PMFBP1: variants seen among roughly 807,000 people sequenced by gnomAD.
PMFBP1 encodes the protein polyamine-modulated factor 1-binding protein 1.
In PMFBP1, 131 loss-of-function variants were observed where a neutral mutation model predicts 137.8. That is an observed-to-expected ratio of 0.95 (90% CI 0.82 to 1.10). The LOEUF (loss-of-function observed/expected upper bound fraction) is 1.10, where lower values mean the gene tolerates loss of function less well. Among genes scored for constraint, PMFBP1 ranks in the 50% least tolerant of loss-of-function variants. The pLI, the probability that PMFBP1 is intolerant of heterozygous loss-of-function variation, is 0.00. For synonymous variants in PMFBP1, 490 were observed against 450.4 expected, an observed-to-expected ratio of 1.09 and a Z score of -1.11; for missense variants, 1,199 against 1,175.4, an observed-to-expected ratio of 1.02 and a Z score of -0.29.
chr16:72,195,111 T>C, the PMFBP1 span, among the ~76,000 whole-genome samples: 3 of 152,174 alleles, frequency 2.0e-5, no homozygotes, highest in Admixed American at 2.0e-4. Flanking sequence ...GGGAGTGCAC[T>C]TTGCGGACAG....
chr16:72,154,062 G>C (rs964824862), intron 4 of PMFBP1, 149 bp downstream of exon 4: 37 of 1,081,496 alleles, frequency 3.4e-5, no homozygotes, highest in Non-Finnish European at 4.6e-5. Context: ...GCTTCAAAAA[G>C]ATCAAGAATT....
chr16:72,120,899 A>T (rs1283565697), intron 19 of PMFBP1, among the ~76,000 whole-genome samples: 2 of 152,176 alleles, frequency 1.3e-5, no homozygotes, highest in African/African-American at 4.8e-5. Context: ...TGAACACAGG[A>T]GGTCTTATGA....
rs76971080 is a variant in PMFBP1, at chr16:72,164,459, T to C, written c.165+305A>G. The C allele has an allele frequency of 4.9e-4, 671 of 1,381,708 alleles. 9 individuals carry two copies. The East Asian group carries it at 0.02, about 42-fold the overall frequency. The allele number at this position is 1,381,708 out of a possible 1,614,324, so 85.6% of individuals were successfully genotyped here. A position where few individuals can be genotyped will look rare whatever the true frequency, so the allele number is the denominator to read the frequency against. On this transcript the variant is annotated intron_variant, in intron 3 of 20. Transcript: ENST00000237353. ...GCAGACGCTGCTCCCCTTGTATCACTATGATCTGATATTTTCAGGGCAATG... is the reference window on the plus strand; with the variant it reads ...GCAGACGCTGCTCCCCTTGTATCACCATGATCTGATATTTTCAGGGCAATG...
In PMFBP1 at chr16:72,169,971, T is replaced by C. The variant is rs539537671; in HGVS notation, c.12+1226A>G. Among the ~76,000 whole-genome samples the C allele has an allele frequency of 3.3e-5, 5 of 152,166 alleles. No homozygotes were observed. The East Asian group carries it at 9.7e-4, about 29-fold the overall frequency. On this transcript the variant is annotated intron_variant, in intron 2 of 20. Coordinates refer to ENST00000237353, the MANE Select transcript of PMFBP1 (RefSeq NM_031293.3). Reference sequence around the variant, plus strand: ...CAGACTAGGATACATATGACATATGTTGGAGATCAGCCACCTATGGAACGT... The same window carrying C: ...CAGACTAGGATACATATGACATATGCTGGAGATCAGCCACCTATGGAACGT...
At chr16:72,157,562 G>A (rs1330108157) in intron 3 of PMFBP1, among the ~76,000 whole-genome samples, 5 of 152,106 alleles carry the variant, frequency 3.3e-5, no homozygotes, top group Admixed American at 6.5e-5. Flanking sequence ...CAGTAAGGGG[G>A]AAAGCTGTGC....
intron 3 of PMFBP1, chr16:72,164,322 C>G: frequency 2.0e-6 from 2 of 1,013,528 alleles, no homozygotes; most frequent in Middle Eastern, 2.4e-4. Context: ...GGCAGTGAGA[C>G]GCAGGTGCAG....
At chr16:72,187,574 C>G in the PMFBP1 span, among the ~76,000 whole-genome samples, 1 of 152,146 alleles carries the variant, frequency 6.6e-6, no homozygotes, top group Non-Finnish European at 1.5e-5. Context: ...TATTGCAAAG[C>G]CTTTTTCCTA....
the PMFBP1 span, among the ~76,000 whole-genome samples, chr16:72,200,758 C>T: frequency 6.6e-6 from 1 of 152,216 alleles, no homozygotes; most frequent in East Asian, 1.9e-4. Context: ...CTTATTTCAA[C>T]TGCATGGCAA....
chr16:72,175,914 G>A (rs1023897120), upstream of PMFBP1, among the ~76,000 whole-genome samples: 2 of 152,220 alleles, frequency 1.3e-5, no homozygotes, highest in Non-Finnish European at 2.9e-5. Context: ...TTTCTACCCA[G>A]AAAGTATGAT....
At chr16:72,201,261 T>C in the PMFBP1 span, among the ~76,000 whole-genome samples, 2 of 152,230 alleles carry the variant, frequency 1.3e-5, no homozygotes, top group African/African-American at 4.8e-5. Flanking sequence ...GGTGATGAGA[T>C]ACTAATTTGA....
chr16:72,157,209 AAAC>A (rs371679180), intron 3 of PMFBP1, among the ~76,000 whole-genome samples: 17,486 of 148,878 alleles, frequency 0.12, 1,581 homozygotes, highest in South Asian at 0.18. Flanking sequence ...AAAAAAAAAA[AAAC>A]CAGACAAAAT....
chr16:72,216,138 T>C, the PMFBP1 span, among the ~76,000 whole-genome samples: 2 of 152,148 alleles, frequency 1.3e-5, no homozygotes, highest in Non-Finnish European at 2.9e-5. Flanking sequence ...CTTTCTTTGC[T>C]TGTTGGTCAG....
intron 6 of PMFBP1, 112 bp downstream of exon 6, chr16:72,140,300 T>C (rs2144348016): frequency 8.8e-7 from 1 of 1,136,626 alleles, no homozygotes; most frequent in Middle Eastern, 2.2e-4. Context: ...TATCAGACAT[T>C]TGAGGATTCT....
chr16:72,208,240 C>T, the PMFBP1 span, among the ~76,000 whole-genome samples: 1 of 152,336 alleles, frequency 6.6e-6, no homozygotes, highest in African/African-American at 2.4e-5. Flanking sequence ...ACCACAGTGC[C>T]ATGAAGTTAG....
chr16:72,163,934 G>T (rs751956860), intron 3 of PMFBP1, among the ~76,000 whole-genome samples: 13 of 151,864 alleles, frequency 8.6e-5, no homozygotes, highest in Admixed American at 1.3e-4. Context: ...AGGGTGGGGG[G>T]GGTGAGGGAT....
At chr16:72,142,472 C>T (rs1247030992) in intron 5 of PMFBP1, among the ~76,000 whole-genome samples, 3 of 152,202 alleles carry the variant, frequency 2.0e-5, no homozygotes, top group Admixed American at 2.0e-4. Flanking sequence ...ATGAGAAACA[C>T]ACTGACATCT....
chr16:72,234,047 G>C, the PMFBP1 span, among the ~76,000 whole-genome samples: 1 of 152,088 alleles, frequency 6.6e-6, no homozygotes, highest in Non-Finnish European at 1.5e-5. Flanking sequence ...GGTTTCCTGT[G>C]CAAGTTCTTG....
At chr16:72,190,995 G>T in the PMFBP1 span, among the ~76,000 whole-genome samples, 8 of 152,148 alleles carry the variant, frequency 5.3e-5, no homozygotes, top group African/African-American at 1.9e-4. Flanking sequence ...TATGAAAAAA[G>T]AACATGACAC....
upstream of PMFBP1, among the ~76,000 whole-genome samples, chr16:72,177,095 T>C (rs1453513268): frequency 6.6e-6 from 1 of 152,136 alleles, no homozygotes; most frequent in Non-Finnish European, 1.5e-5. Flanking sequence ...TTTTGGAAAA[T>C]TTCCCATTTT....
Sources: gnomAD v4.1 joint callset for allele counts (sites outside exome capture counted in the v4.1 genomes callset) on GRCh38, gnomAD v4.1.1 for gene constraint, MANE v1.5 for transcripts, NCBI Gene and HGNC (gene_info 2026-07-23, HGNC 2026-07-21) for gene names.